SMAD9: variants seen among roughly 807,000 people sequenced by gnomAD.
SMAD9 encodes MAD homolog 9.
A neutral mutation model predicts 46.1 loss-of-function variants in SMAD9; 36 were observed. The observed-to-expected ratio is 0.78, with a 90% CI of 0.60 to 1.03. The LOEUF is 1.03. Among genes scored for constraint, SMAD9 ranks in the 50% least tolerant of loss-of-function variants. The probability of loss-of-function intolerance (pLI) is 0.00; values close to 1 mark genes in which losing one functional copy is unlikely to be tolerated. For synonymous variants in SMAD9, 245 were observed against 237.1 expected, an observed-to-expected ratio of 1.03 and a Z score of -0.31; for missense variants, 572 against 599.8, an observed-to-expected ratio of 0.95 and a Z score of 0.48.
At chr13:36,863,159 G>A (rs191693573) in intron 5 of SMAD9, among the ~76,000 whole-genome samples, 2 of 152,298 alleles carry the variant, frequency 1.3e-5, no homozygotes, top group African/African-American at 4.8e-5. Flanking sequence ...ATGCTGCTCA[G>A]AACCAGATAA....
chr13:36,860,435 G>A (rs1447655348), intron 5 of SMAD9, among the ~76,000 whole-genome samples: 1 of 150,770 alleles, frequency 6.6e-6, no homozygotes, highest in Non-Finnish European at 1.5e-5. Flanking sequence ...TCCCACAAAG[G>A]GAGAAATTTT....
intron 1 of SMAD9, among the ~76,000 whole-genome samples, chr13:36,886,289 G>A (rs2058443941): frequency 6.6e-6 from 1 of 152,338 alleles, no homozygotes; most frequent in East Asian, 1.9e-4. Context: ...AGCCACATGG[G>A]TGCGTCCCCT....
chr13:36,869,698 A>G (rs7330916), intron 3 of SMAD9, among the ~76,000 whole-genome samples: 24,422 of 151,958 alleles, frequency 0.16, 2,926 homozygotes, highest in East Asian at 0.41. Flanking sequence ...GTGTGGTGGC[A>G]CATGTCTGTA....
At chr13:36,893,117 T>C (rs971601975) in intron 1 of SMAD9, among the ~76,000 whole-genome samples, 3 of 152,152 alleles carry the variant, frequency 2.0e-5, no homozygotes, top group Admixed American at 1.3e-4. Context: ...TTGAAATTTG[T>C]ATATTATAAG....
rs1593539871 is a variant in SMAD9, at chr13:36,846,291, G to T, written c.*2385C>A. The T allele has an allele frequency of 6.6e-6, 1 of 151,636 alleles. No individual in the cohort carries two copies. The highest frequency in any genetic ancestry group is 2.1e-4 in the South Asian group (1 of 4,776). 9.4% of individuals were successfully genotyped at this position (151,636 alleles called of 1,614,324 possible). A position where few individuals can be genotyped will look rare whatever the true frequency, so the allele number is the denominator to read the frequency against. The stretch of plus-strand genomic sequence containing the variant: ...AGGTCAAGAGATAGAGACCATTCTG[G>T]CTACCATGGTGAAACCCCGTCTCTA... On this transcript the variant is annotated 3_prime_UTR_variant, in exon 7 of 7. Transcript: ENST00000379826.
At chr13:36,877,294 G>C (rs965230746) in intron 2 of SMAD9, among the ~76,000 whole-genome samples, 7 of 152,168 alleles carry the variant, frequency 4.6e-5, no homozygotes, top group Admixed American at 2.6e-4. Flanking sequence ...CTGGGGAGGT[G>C]ACGGTTGCAG....
At chr13:36,907,125 A>G (rs1334925451) in intron 1 of SMAD9, among the ~76,000 whole-genome samples, 1 of 152,220 alleles carries the variant, frequency 6.6e-6, no homozygotes, top group Non-Finnish European at 1.5e-5. Flanking sequence ...GAGTGCAATA[A>G]GCCAGACACA....
intron 1 of SMAD9, among the ~76,000 whole-genome samples, chr13:36,912,126 C>T (rs1043197497): frequency 2.4e-4 from 36 of 152,220 alleles, no homozygotes; most frequent in African/African-American, 8.0e-4. Flanking sequence ...AATTTGTCTT[C>T]ACTCTTCCAA....
rs571358486 is a variant in SMAD9 at position 36,884,022 on chromosome 13, TG to T, written c.-186-4148del. Reference sequence around the variant, plus strand: ...ATGGCTGTTGGCTGGATGTGTCACATGGGATCTCAAGACTTGCTCAGCTGTT... The same window carrying T: ...ATGGCTGTTGGCTGGATGTGTCACATGGATCTCAAGACTTGCTCAGCTGTT... On this transcript the variant is annotated intron_variant, in intron 1 of 6. Coordinates refer to ENST00000379826, the MANE Select transcript of SMAD9 (RefSeq NM_001127217.3). Among the ~76,000 whole-genome samples the T allele has an allele frequency of 5.9e-5, 9 of 152,270 alleles. No homozygotes were observed. The East Asian group carries it at 1.7e-3, about 29-fold the overall frequency.
Position 36,867,276 on chromosome 13 carries a change from C to T in SMAD9, c.778G>A (p.Gly260Arg). Residue 260 changes from glycine (G) to arginine (R), a missense_variant, in exon 4 of 7, where the codon GGA becomes AGA. By Grantham distance (125) the Gly-to-Arg change is moderately radical (BLOSUM62 -2). Transcript: ENST00000379826. ...DRHVVLSIPNGDFRPVCYEEP... is the reference protein window; with the variant it reads ...DRHVVLSIPNRDFRPVCYEEP... The stretch of plus-strand genomic sequence containing the variant: ...TCACTGTTCATCTGCAATTTACCTC[C>T]ATTTGGTATCGATAGCACTACATGT... The T allele has an allele frequency of 6.5e-7, 1 of 1,536,026 alleles. No homozygotes were observed.
At chr13:36,880,869 A>T (rs2058397141) in intron 1 of SMAD9, among the ~76,000 whole-genome samples, 1 of 152,200 alleles carries the variant, frequency 6.6e-6, no homozygotes, top group Admixed American at 6.5e-5. Context: ...TTTTTTAATG[A>T]TTCAATCAAT....
chr13:36,865,661 G>A lies in SMAD9; in HGVS notation c.879C>T (p.Ser293=), dbSNP rs1363208853. 6 of 1,613,986 alleles carry A rather than the reference G, an allele frequency of 3.7e-6. No individual in the cohort carries two copies. The highest frequency in any genetic ancestry group is 1.1e-5 in the South Asian group (1 of 91,084). Residue 293 remains serine, a synonymous_variant, in exon 5 of 7, where the codon TCC becomes TCT. Coordinates refer to ENST00000379826, the MANE Select transcript of SMAD9 (RefSeq NM_001127217.3). ...TGAACCCATCTATGAGCACACTTCG[G>A]GAGGAAGCCTGGAATGTCTCCCCAA... ...NRVGETFQAS[S]RSVLIDGFTD...
intron 2 of SMAD9, among the ~76,000 whole-genome samples, chr13:36,876,870 T>C (rs1566024612): frequency 1.3e-5 from 2 of 152,194 alleles, no homozygotes; most frequent in Non-Finnish European, 2.9e-5. Context: ...TATGGATAGC[T>C]AACTAGATAT....
intron 5 of SMAD9, among the ~76,000 whole-genome samples, chr13:36,860,760 T>C (rs2058173782): frequency 1.3e-5 from 2 of 151,990 alleles, no homozygotes; most frequent in Admixed American, 1.3e-4. Flanking sequence ...GCCACCAGCG[T>C]GTCTCTTAGA....
chr13:36,867,133 C>A, intron 4 of SMAD9, 140 bp downstream of exon 4: 2 of 633,842 alleles, frequency 3.2e-6, no homozygotes, highest in South Asian at 3.6e-5. Flanking sequence ...AAATGCAAAG[C>A]CATCCCATTT....
chr13:36,859,065 T>C (rs1566015498), intron 5 of SMAD9, among the ~76,000 whole-genome samples: 1 of 152,228 alleles, frequency 6.6e-6, no homozygotes, highest in Non-Finnish European at 1.5e-5. Context: ...GTTTTAAAAC[T>C]TGTTTTCAGT....
chr13:36,849,907 G>C (rs150369475), intron 6 of SMAD9: 1 of 151,754 alleles, frequency 6.6e-6, no homozygotes, highest in South Asian at 2.1e-4. Context: ...TATCATTCCC[G>C]TCAACATATG....
At chr13:36,853,809 G>A in intron 5 of SMAD9, 134 bp from the exon 6 acceptor site, 1 of 870,254 alleles carries the variant, frequency 1.1e-6, no homozygotes, top group Non-Finnish European at 1.9e-6. Context: ...TGAGATGTGT[G>A]ACCTAAATGC....
intron 1 of SMAD9, among the ~76,000 whole-genome samples, chr13:36,891,916 A>G (rs2058491792): frequency 6.6e-6 from 1 of 152,158 alleles, no homozygotes; most frequent in Non-Finnish European, 1.5e-5. Flanking sequence ...TAAGGTTGGG[A>G]AAGAATTTCA....
Sources: gnomAD v4.1 joint callset for allele counts (sites outside exome capture counted in the v4.1 genomes callset) on GRCh38, gnomAD v4.1.1 for gene constraint, MANE v1.5 for transcripts, NCBI Gene and HGNC (gene_info 2026-07-23, HGNC 2026-07-21) for gene names.